NCOR2: variants seen among roughly 807,000 people sequenced by gnomAD.
The protein encoded by NCOR2 is CTG repeat protein 26.
A neutral mutation model predicts 262.9 loss-of-function variants in NCOR2; 81 were observed. The ratio of observed to expected loss-of-function variants is 0.31; its 90% confidence interval spans 0.26 to 0.37. The LOEUF (loss-of-function observed/expected upper bound fraction) is 0.37. Ranked by LOEUF, NCOR2 falls within the 10% of genes least tolerant of loss-of-function variation. NCOR2 has a pLI of 1.00. For missense variants in NCOR2, 3,385 were observed against 3,621.4 expected, an observed-to-expected ratio of 0.93 and a Z score of 1.68; for synonymous variants, 1,659 against 1,559.3, an observed-to-expected ratio of 1.06 and a Z score of -1.51.
At chr12:124,450,878 G>T (rs2045480806) in intron 6 of NCOR2, among the ~76,000 whole-genome samples, 2 of 152,224 alleles carry the variant, frequency 1.3e-5, no homozygotes, top group African/African-American at 4.8e-5. Context: ...ATAAAATGGG[G>T]TTAAACTCAT....
intron 1 of NCOR2, among the ~76,000 whole-genome samples, chr12:124,501,425 T>G (rs919955107): frequency 6.6e-6 from 1 of 151,992 alleles, no homozygotes; most frequent in African/African-American, 2.4e-5. Flanking sequence ...AGAAATGGAT[T>G]GTCTCACTGT....
rs1038608610 is a variant in NCOR2, at chr12:124,454,353, T to A, written c.762+2753A>T. ...TTAGCCTCCTGTGCCATCAGCCTTGTGGAAGCCTCTGCTCTGAGATCCCCA... is the reference window on the plus strand; with the variant it reads ...TTAGCCTCCTGTGCCATCAGCCTTGAGGAAGCCTCTGCTCTGAGATCCCCA... On this transcript the variant is annotated intron_variant, in intron 6 of 46. Coordinates refer to ENST00000405201, the Ensembl canonical transcript of NCOR2. The surrounding 1 kb of genome is among the most constrained non-coding windows in gnomAD (Gnocchi z 5.6). Among the ~76,000 whole-genome samples the A allele has an allele frequency of 3.9e-5, 6 of 152,192 alleles. No individual in the cohort carries two copies. The highest frequency in any genetic ancestry group is 6.5e-5 in the Admixed American group (1 of 15,282).
At chr12:124,547,826 G>A (rs1410550571) in intron 1 of NCOR2, among the ~76,000 whole-genome samples, 1 of 152,202 alleles carries the variant, frequency 6.6e-6, no homozygotes, top group Non-Finnish European at 1.5e-5. Flanking sequence ...CACCCGCAGT[G>A]TAGCATGCAT....
intron 38 of NCOR2, 158 bp from the exon 41 acceptor site, chr12:124,335,790 G>C (rs540522795): frequency 1.3e-6 from 1 of 782,840 alleles, no homozygotes; most frequent in African/African-American, 1.7e-5. Flanking sequence ...AGGCAGAGAG[G>C]GGTGTTGGGG....
intron 6 of NCOR2, among the ~76,000 whole-genome samples, chr12:124,456,067 G>A (rs2045835491): frequency 6.6e-6 from 1 of 152,226 alleles, no homozygotes; most frequent in Non-Finnish European, 1.5e-5. Flanking sequence ...GCAGAGACAA[G>A]GTCTTGCTAT....
At chr12:124,336,974 C>G in exon 38 of NCOR2, 1 of 1,519,858 alleles carries the variant, frequency 6.6e-7, no homozygotes. Context: ...GGGCTCCAGC[C>G]CGGAGCGGGC....
chr12:124,509,508 T>C (rs1387405243), intron 1 of NCOR2, among the ~76,000 whole-genome samples: 1 of 152,144 alleles, frequency 6.6e-6, no homozygotes, highest in Non-Finnish European at 1.5e-5. Flanking sequence ...AGACCTAAGA[T>C]AGCAACCCTC....
Position 124,504,270 on chromosome 12 carries a change from G to A in NCOR2, c.-117-8902C>T, listed in dbSNP as rs374318103. On this transcript the variant is annotated intron_variant, in intron 1 of 46. Transcript: ENST00000404621. This position sits in a 1 kb window ranked among gnomAD's most constrained non-coding sequence, Gnocchi z 4.5. ...GCCAGAAAGCTGGGGTGCCCGGAGC[G>A]TCTCGTCAGGTCCCAGACTTGCTCC... 2.0e-5 allele frequency among the ~76,000 whole-genome samples: 3 copies of A among 152,318 alleles called. No homozygotes were observed. In the East Asian group the frequency reaches 5.8e-4, roughly 29 times the overall value.
At chr12:124,452,678 T>C (rs1427120109) in intron 6 of NCOR2, among the ~76,000 whole-genome samples, 1 of 152,210 alleles carries the variant, frequency 6.6e-6, no homozygotes, top group East Asian at 1.9e-4. Flanking sequence ...ACAGTGCTTC[T>C]GCGGCACAGG....
intron 8 of NCOR2, among the ~76,000 whole-genome samples, chr12:124,437,659 C>A (rs1022158907): frequency 2.6e-5 from 4 of 152,214 alleles, no homozygotes; most frequent in Non-Finnish European, 5.9e-5. Flanking sequence ...GGCTTAGCAA[C>A]TAATTTTCCA....
At chr12:124,486,329 T>A in intron 2 of NCOR2, 112 bp downstream of exon 4, 1 of 1,477,656 alleles carries the variant, frequency 6.8e-7, no homozygotes, top group Non-Finnish European at 9.0e-7. Context: ...CGGCCCGACA[T>A]CCCCTCATTT....
chr12:124,489,809 G>A (rs1346387438), intron 1 of NCOR2, among the ~76,000 whole-genome samples: 1 of 152,164 alleles, frequency 6.6e-6, no homozygotes, highest in African/African-American at 2.4e-5. Context: ...GGAGTGGCTG[G>A]GGGCAGAGAG....
In NCOR2 at chr12:124,349,216, G is replaced by A. The variant is rs1266301184; in HGVS notation, c.3845-902C>T. 2.6e-5 allele frequency among the ~76,000 whole-genome samples: 4 copies of A among 152,314 alleles called. No homozygotes were observed. In the East Asian group the frequency reaches 5.8e-4, roughly 22 times the overall value. On this transcript the variant is annotated intron_variant, in intron 28 of 46. Transcript: ENST00000405201. ...CAGGCAGAGAGGTGAACAGACGGAG[G>A]TGGCCCCCGAAGGTAAAGGCTGGGC...
Position 124,437,945 on chromosome 12 carries a change from G to A in NCOR2, c.867C>T (p.His289=), listed in dbSNP as rs766467285. Reference sequence around the variant, plus strand: ...GTGGACTTACCCATTGTTTCCGAGCGTGATTCCTCCTCTTGAAGTACAAGA... The same window carrying A: ...GTGGACTTACCCATTGTTTCCGAGCATGATTCCTCCTCTTGAAGTACAAGA... The change falls in exon 8 of 47, where the codon CAC becomes CAT. Residue 289 remains histidine, a synonymous_variant. Coordinates refer to ENST00000405201, the Ensembl canonical transcript of NCOR2. 29 of 1,612,300 alleles carry A rather than the reference G, an allele frequency of 1.8e-5. No homozygotes were observed. In the East Asian group the frequency reaches 4.0e-4, roughly 22 times the overall value.
chr12:124,398,814 T>C (rs1160565490), intron 15 of NCOR2, among the ~76,000 whole-genome samples: 1 of 152,168 alleles, frequency 6.6e-6, no homozygotes, highest in Non-Finnish European at 1.5e-5. Context: ...GAAGCCCTGC[T>C]CCAGAGGGAA....
intron 18 of NCOR2, among the ~76,000 whole-genome samples, chr12:124,375,954 A>G (rs987877684): frequency 3.3e-5 from 5 of 152,134 alleles, no homozygotes; most frequent in African/African-American, 1.2e-4. Context: ...CTCAGGCTCC[A>G]ACCCAGCACC....
At chr12:124,491,662 G>A (rs2048089324) in intron 1 of NCOR2, among the ~76,000 whole-genome samples, 3 of 152,210 alleles carry the variant, frequency 2.0e-5, no homozygotes, top group Non-Finnish European at 4.4e-5. Flanking sequence ...GGAGTGTTCA[G>A]GGGTCCCAGA....
chr12:124,540,239 G>A (rs1004471448), upstream of NCOR2, among the ~76,000 whole-genome samples: 1 of 150,664 alleles, frequency 6.6e-6, no homozygotes, highest in Non-Finnish European at 1.5e-5. Flanking sequence ...AGGGAGGGCA[G>A]GGAGGGCCCC....
chr12:124,448,485 G>A (rs1421336069), intron 7 of NCOR2, among the ~76,000 whole-genome samples: 2 of 152,194 alleles, frequency 1.3e-5, no homozygotes, highest in East Asian at 3.9e-4. Context: ...CAGAACACAT[G>A]CCCCTTCCTG....
Sources: allele counts gnomAD v4.1 joint callset (sites outside exome capture counted in the v4.1 genomes callset), GRCh38; gene constraint gnomAD v4.1.1; non-coding constraint Gnocchi (gnomAD v3.1); transcripts MANE v1.5; gene names NCBI Gene and HGNC (gene_info 2026-07-23, HGNC 2026-07-21).